TBL1XR1: variants seen among roughly 807,000 people sequenced by gnomAD.
TBL1XR1 encodes the protein F-box-like/WD repeat-containing protein TBL1XR1.
Under a neutral mutation model 66.9 loss-of-function variants are expected in TBL1XR1, and 5 were observed. The ratio of observed to expected loss-of-function variants is 0.07; its 90% CI spans 0.04 to 0.16. TBL1XR1 has a LOEUF of 0.16. Ranked by LOEUF, TBL1XR1 falls within the 10% of genes least tolerant of loss-of-function variation. TBL1XR1 has a pLI of 1.00. For synonymous variants in TBL1XR1, 210 were observed against 206.0 expected (o/e 1.02, Z -0.17); for missense variants, 238 against 623.2 (o/e 0.38, Z 6.58).
intron 1 of TBL1XR1, among the ~76,000 whole-genome samples, chr3:177,178,722 G>A (rs77737013): frequency 0.015 from 2,271 of 152,172 alleles, 63 homozygotes; most frequent in African/African-American, 0.052. Context: ...AAGGAGATGG[G>A]ACCATATTTT....
intron 1 of TBL1XR1, among the ~76,000 whole-genome samples, chr3:177,173,798 G>C (rs1733841251): frequency 1.3e-5 from 2 of 152,200 alleles, no homozygotes; most frequent in Admixed American, 1.3e-4. Flanking sequence ...TACTGAGGAA[G>C]CAGTGTGAGG....
At chr3:177,179,739 C>A (rs1364326637) in intron 1 of TBL1XR1, among the ~76,000 whole-genome samples, 2 of 152,172 alleles carry the variant, frequency 1.3e-5, no homozygotes, top group African/African-American at 4.8e-5. Flanking sequence ...TACCAGTTCT[C>A]ACTTGTAACA....
chr3:177,152,440 C>A (rs918253517), intron 1 of TBL1XR1, among the ~76,000 whole-genome samples: 20 of 152,126 alleles, frequency 1.3e-4, no homozygotes, highest in Non-Finnish European at 1.2e-4. Context: ...GCACCCACCA[C>A]CACGCCCGGC....
chr3:177,122,582 G>A lies in TBL1XR1; in HGVS notation c.-121-24041C>T, dbSNP rs114183626. Among the ~76,000 whole-genome samples the A allele has an allele frequency of 8.6e-3, 1,302 of 152,198 alleles. 20 individuals carry two copies. The highest frequency in any genetic ancestry group is 0.03 in the African/African-American group (1,253 of 41,524). On this transcript the variant is annotated intron_variant, in intron 1 of 15. Coordinates refer to ENST00000457928, the MANE Select transcript of TBL1XR1 (RefSeq NM_024665.7). ...CACCAACAACTGAAGCCACATTGTTGGAAATTCAGTTTTACTGGGCTAGCT... is the reference window on the plus strand; with the variant it reads ...CACCAACAACTGAAGCCACATTGTTAGAAATTCAGTTTTACTGGGCTAGCT...
At chr3:177,109,027 A>T (rs1725231995) in intron 1 of TBL1XR1, among the ~76,000 whole-genome samples, 1 of 152,218 alleles carries the variant, frequency 6.6e-6, no homozygotes, top group Non-Finnish European at 1.5e-5. Context: ...TCACTTCTAT[A>T]ATAGAGATGA....
chr3:177,032,120 T>A (rs1022471838), intron 14 of TBL1XR1, among the ~76,000 whole-genome samples: 6 of 152,164 alleles, frequency 3.9e-5, no homozygotes, highest in African/African-American at 1.4e-4. Context: ...AGCAGTAGTG[T>A]AAAATGGAAG....
chr3:177,172,653 G>GAGAGAGAGAA lies in TBL1XR1; in HGVS notation c.-122+24467_-122+24468insTTCTCTCTCT, dbSNP rs1553864060. On this transcript the variant is annotated intron_variant, in intron 1 of 15. Transcript: ENST00000457928. ...GAGAGAAGAGAGAGAGAGAGAAAGA[G>GAGAGAGAGAA]AGAGAGAGAGAAGGGAGGGGAGGGG... 3.9e-5 allele frequency among the ~76,000 whole-genome samples: 5 copies of GAGAGAGAGAA among 129,612 alleles called. No homozygotes were observed. The East Asian group carries it at 1.4e-3, about 36-fold the overall frequency. The allele number at this position is 129,612 out of a possible 152,430, so 85.0% of individuals were successfully genotyped here.
intron 3 of TBL1XR1, among the ~76,000 whole-genome samples, chr3:177,060,291 G>T (rs1470295365): frequency 6.6e-6 from 1 of 152,088 alleles, no homozygotes; most frequent in Admixed American, 6.6e-5. Flanking sequence ...TCTTAAAAAT[G>T]GAGACAGTAT....
chr3:177,153,760 C>G (rs1488882082), intron 1 of TBL1XR1, among the ~76,000 whole-genome samples: 1 of 151,634 alleles, frequency 6.6e-6, no homozygotes, highest in East Asian at 1.9e-4. Context: ...GCCTGTAATC[C>G]CAGCTACTCA....
chr3:177,133,175 T>C (rs962877837), intron 1 of TBL1XR1, among the ~76,000 whole-genome samples: 4 of 152,074 alleles, frequency 2.6e-5, no homozygotes, highest in African/African-American at 9.6e-5. Context: ...TAATCCCAGC[T>C]ACTCAGGAGG....
chr3:177,134,012 C>T (rs1728617226), intron 1 of TBL1XR1, among the ~76,000 whole-genome samples: 1 of 151,994 alleles, frequency 6.6e-6, no homozygotes, highest in Non-Finnish European at 1.5e-5. Flanking sequence ...AATCACAGTG[C>T]CCTTTTCTTC....
At chr3:177,050,653 T>C (rs371752431) in intron 5 of TBL1XR1, 43 bp from the exon 6 acceptor site, 25 of 1,610,358 alleles carry the variant, frequency 1.6e-5, no homozygotes, top group Non-Finnish European at 2.1e-5. Context: ...TTAGGCAGTA[T>C]TACAACATGG....
At chr3:177,106,485 C>T (rs1391633964) in intron 1 of TBL1XR1, among the ~76,000 whole-genome samples, 1 of 152,120 alleles carries the variant, frequency 6.6e-6, no homozygotes, top group Non-Finnish European at 1.5e-5. Flanking sequence ...AAATAAATTA[C>T]AAAAAGGAAG....
chr3:177,160,229 T>G (rs1388279607), intron 1 of TBL1XR1, among the ~76,000 whole-genome samples: 3 of 151,956 alleles, frequency 2.0e-5, no homozygotes. Flanking sequence ...TCCCAGCACT[T>G]TGGGAGGACG....
chr3:177,197,567 G>A (rs889582713), upstream of TBL1XR1, among the ~76,000 whole-genome samples: 18 of 144,516 alleles, frequency 1.2e-4, no homozygotes, highest in African/African-American at 4.5e-4. Context: ...GAGGCCCGCG[G>A]CGGCGGCGGC....
chr3:177,045,823 TAAGTG>T (rs1716256067), intron 10 of TBL1XR1, among the ~76,000 whole-genome samples: 1 of 152,152 alleles, frequency 6.6e-6, no homozygotes, highest in Admixed American at 6.5e-5. Context: ...TAATGCTTCT[TAAGTG>T]GAGTGGAACT....
chr3:177,146,807 C>A (rs1264609637), intron 1 of TBL1XR1, among the ~76,000 whole-genome samples: 1 of 151,952 alleles, frequency 6.6e-6, no homozygotes, highest in Non-Finnish European at 1.5e-5. Context: ...CTCTAAAATG[C>A]TCATGTCAGA....
In TBL1XR1 at chr3:177,050,500, C is replaced by T. The variant is rs776154937; in HGVS notation, c.538G>A (p.Val180Ile). The T allele has an allele frequency of 1.2e-6, 2 of 1,613,630 alleles. No homozygotes were observed. Among genetic ancestry groups the T allele is most frequent in the African/African-American group, 2.7e-5 (2 of 74,900 alleles). The change falls in exon 6 of 16, where the codon GTT becomes ATT. Residue 180 changes from valine (V) to isoleucine (I), a missense_variant. This residue lies in a region of TBL1XR1 where 26 missense variants were observed against 103.7 expected (regional missense o/e 0.25). Transcript: ENST00000457928. ...TACCCTGATGCTAGGAGATCACTAA[C>T]AGGGTTCCAGGCACAGATAAAAACT... ...SEVFICAWNP[V>I]SDLLASGSGD...
chr3:177,099,415 G>A (rs938862586), intron 1 of TBL1XR1: 1 of 152,214 alleles, frequency 6.6e-6, no homozygotes, highest in African/African-American at 2.4e-5. Context: ...CATGTCAGAG[G>A]AGACTCTTAG....
Sources: gnomAD v4.1 joint callset for allele counts (sites outside exome capture counted in the v4.1 genomes callset) on GRCh38, gnomAD v4.1.1 for gene constraint, gnomAD v4.1.1 regional missense constraint, MANE v1.5 for transcripts, NCBI Gene and HGNC (gene_info 2026-07-23, HGNC 2026-07-21) for gene names.